Variants in NEMP2 observed in about 807,000 individuals in gnomAD.
NEMP2 encodes the protein nuclear envelope integral membrane protein 2, also known as UPF0571 transmembrane protein.
A neutral mutation model predicts 54.2 loss-of-function variants in NEMP2; 53 were observed. The observed-to-expected ratio is 0.98, with a 90% CI of 0.78 to 1.23. NEMP2 has a LOEUF of 1.23. Among genes scored for constraint, NEMP2 ranks in the 50% most tolerant of loss-of-function variants. The probability of loss-of-function intolerance (pLI) is 0.00; values close to 1 mark genes in which losing one functional copy is unlikely to be tolerated. For synonymous variants in NEMP2, 197 were observed against 190.3 expected, an observed-to-expected ratio of 1.04 and a Z score of -0.29; for missense variants, 455 against 511.3, an observed-to-expected ratio of 0.89 and a Z score of 1.06.
At chr2:190,469,027 A>G in the NEMP2 span, among the ~76,000 whole-genome samples, 2 of 152,120 alleles carry the variant, frequency 1.3e-5, no homozygotes, top group Non-Finnish European at 2.9e-5. This position sits in a 1 kb window ranked among gnomAD's most constrained non-coding sequence, Gnocchi z 5.3. Context: ...TGGGTGCACC[A>G]CTTCAGGCCT....
At chr2:190,549,340 A>T in the NEMP2 span, among the ~76,000 whole-genome samples, 1 of 152,364 alleles carries the variant, frequency 6.6e-6, no homozygotes, top group South Asian at 2.1e-4. Flanking sequence ...AGGTTGCAAA[A>T]TGTTGACACT....
the NEMP2 span, among the ~76,000 whole-genome samples, chr2:190,490,668 T>C: frequency 6.6e-6 from 1 of 152,224 alleles, no homozygotes; most frequent in Non-Finnish European, 1.5e-5. This position sits in a 1 kb window ranked among gnomAD's most constrained non-coding sequence, Gnocchi z 4.5. Flanking sequence ...AAGGAGGTTA[T>C]ATCAAATATT....
downstream of NEMP2, among the ~76,000 whole-genome samples, chr2:190,502,537 T>C (rs1343501990): frequency 2.6e-5 from 4 of 152,222 alleles, no homozygotes; most frequent in Non-Finnish European, 5.9e-5. The surrounding 1 kb of genome is among the most constrained non-coding windows in gnomAD (Gnocchi z 4.4). Context: ...TTATAATACA[T>C]ACATTGTCCA....
At chr2:190,613,746 C>T in the NEMP2 span, among the ~76,000 whole-genome samples, 1 of 152,172 alleles carries the variant, frequency 6.6e-6, no homozygotes, top group East Asian at 1.9e-4. Context: ...CACCACCATG[C>T]CCGGCTAATT....
chr2:190,638,972 G>A, the NEMP2 span, among the ~76,000 whole-genome samples: 1 of 152,154 alleles, frequency 6.6e-6, no homozygotes, highest in African/African-American at 2.4e-5. This position sits in a 1 kb window ranked among gnomAD's most constrained non-coding sequence, Gnocchi z 5.7. Context: ...CACTGGGTGT[G>A]AAAGCCCAGT....
rs1690721135 is a variant in NEMP2, at chr2:190,520,586, T to C, written c.214-1403A>G. On this transcript the variant is annotated intron_variant, in intron 2 of 8. Coordinates refer to ENST00000409150, the MANE Select transcript of NEMP2 (RefSeq NM_001142645.2). The surrounding 1 kb of genome is among the most constrained non-coding windows in gnomAD (Gnocchi z 5.4). Reference sequence around the variant, plus strand: ...TGGCTCACTGTGGCTCTCTCTTCAATACCACTTCCTGTCATTCTTCTTAGG... The same window carrying C: ...TGGCTCACTGTGGCTCTCTCTTCAACACCACTTCCTGTCATTCTTCTTAGG... Among the ~76,000 whole-genome samples the C allele has an allele frequency of 1.3e-5, 2 of 152,204 alleles. No homozygotes were observed.
chr2:190,582,222 C>G, the NEMP2 span, among the ~76,000 whole-genome samples: 1 of 152,184 alleles, frequency 6.6e-6, no homozygotes, highest in Non-Finnish European at 1.5e-5. The surrounding 1 kb of genome is among the most constrained non-coding windows in gnomAD (Gnocchi z 4.6). Context: ...TCCATTATCT[C>G]TATAAGAGGC....
the NEMP2 span, among the ~76,000 whole-genome samples, chr2:190,499,081 G>T: frequency 6.6e-6 from 1 of 152,174 alleles, no homozygotes; most frequent in African/African-American, 2.4e-5. This position sits in a 1 kb window ranked among gnomAD's most constrained non-coding sequence, Gnocchi z 6.0. Context: ...CCAGCAGGAG[G>T]AGGTTGCAGT....
At chr2:190,635,351 G>A in the NEMP2 span, among the ~76,000 whole-genome samples, 1 of 152,136 alleles carries the variant, frequency 6.6e-6, no homozygotes, top group Admixed American at 6.5e-5. This position sits in a 1 kb window ranked among gnomAD's most constrained non-coding sequence, Gnocchi z 4.1. Context: ...TGAGTAGCTA[G>A]GACCATGGGC....
chr2:190,449,354 GTCCCA>G, the NEMP2 span, among the ~76,000 whole-genome samples: 1 of 151,972 alleles, frequency 6.6e-6, no homozygotes, highest in Non-Finnish European at 1.5e-5. Flanking sequence ...GGCACTTGTA[GTCCCA>G]GCTACTTGGG....
chr2:190,451,957 CTTCA>C, the NEMP2 span, among the ~76,000 whole-genome samples: 2 of 152,090 alleles, frequency 1.3e-5, no homozygotes, highest in Admixed American at 6.5e-5. This position sits in a 1 kb window ranked among gnomAD's most constrained non-coding sequence, Gnocchi z 5.0. Flanking sequence ...GTCCATTTTT[CTTCA>C]TTCTCTGAGT....
chr2:190,601,347 A>G, the NEMP2 span, among the ~76,000 whole-genome samples: 1 of 152,166 alleles, frequency 6.6e-6, no homozygotes, highest in Non-Finnish European at 1.5e-5. This position sits in a 1 kb window ranked among gnomAD's most constrained non-coding sequence, Gnocchi z 5.8. Context: ...TCTGGCATCC[A>G]GAGCTATGAG....
chr2:190,617,260 T>A, the NEMP2 span: 1 of 152,234 alleles, frequency 6.6e-6, no homozygotes, highest in East Asian at 1.9e-4. This position sits in a 1 kb window ranked among gnomAD's most constrained non-coding sequence, Gnocchi z 5.0. Flanking sequence ...TAAAGTCCAC[T>A]ACCCAAGAGT....
At position 190,510,339 on chromosome 2, in the gene NEMP2, C is replaced by T. The variant is rs113478265; in HGVS notation, c.1130+22G>A. The T allele has an allele frequency of 9.0e-6, 14 of 1,550,782 alleles. No individual in the cohort carries two copies. Among genetic ancestry groups the T allele is most frequent in the Non-Finnish European group, 1.2e-5 (14 of 1,146,472 alleles). On this transcript the variant is annotated intron_variant, in intron 8 of 8. Coordinates refer to ENST00000409150, the MANE Select transcript of NEMP2 (RefSeq NM_001142645.2). The surrounding 1 kb of genome is among the most constrained non-coding windows in gnomAD (Gnocchi z 5.7). Reference sequence around the variant, plus strand: ...AATCATTCTGAACTAAACTATGGTCCGAGCAGCAGAGCGGGACTTACTTGC... The same window carrying T: ...AATCATTCTGAACTAAACTATGGTCTGAGCAGCAGAGCGGGACTTACTTGC...
chr2:190,561,608 C>A, the NEMP2 span, among the ~76,000 whole-genome samples: 1 of 152,120 alleles, frequency 6.6e-6, no homozygotes, highest in African/African-American at 2.4e-5. This position sits in a 1 kb window ranked among gnomAD's most constrained non-coding sequence, Gnocchi z 5.4. Context: ...CAAATATAGT[C>A]CCATTCAGAA....
the NEMP2 span, among the ~76,000 whole-genome samples, chr2:190,467,596 G>A: frequency 6.6e-6 from 1 of 152,194 alleles, no homozygotes; most frequent in Non-Finnish European, 1.5e-5. The surrounding 1 kb of genome is among the most constrained non-coding windows in gnomAD (Gnocchi z 5.5). Context: ...CTCGGCAACA[G>A]AGCGAGACTC....
the NEMP2 span, chr2:190,488,505 C>A: frequency 1.5e-6 from 1 of 684,970 alleles, no homozygotes; most frequent in Non-Finnish European, 2.2e-6. The surrounding 1 kb of genome is among the most constrained non-coding windows in gnomAD (Gnocchi z 6.4). Flanking sequence ...CTGAACCGTA[C>A]ATTTAAAAAT....
the NEMP2 span, among the ~76,000 whole-genome samples, chr2:190,576,849 T>C: frequency 1.3e-5 from 2 of 152,190 alleles, no homozygotes; most frequent in Admixed American, 6.5e-5. Context: ...AGTGTTAATA[T>C]AGGGAGTAAG....
the NEMP2 span, among the ~76,000 whole-genome samples, chr2:190,601,091 G>A: frequency 1.3e-5 from 2 of 152,126 alleles, no homozygotes; most frequent in Non-Finnish European, 2.9e-5. The surrounding 1 kb of genome is among the most constrained non-coding windows in gnomAD (Gnocchi z 5.8). Flanking sequence ...TAGGGTCATG[G>A]CAAGTGTAAT....
Sources: allele counts gnomAD v4.1 joint callset (sites outside exome capture counted in the v4.1 genomes callset), GRCh38; gene constraint gnomAD v4.1.1; non-coding constraint Gnocchi (gnomAD v3.1); transcripts MANE v1.5; gene names NCBI Gene and HGNC (gene_info 2026-07-23, HGNC 2026-07-21).